Variants in CAB39 observed in about 807,000 individuals in gnomAD.
CAB39 encodes the protein calcium binding protein 39, also known as calcium-binding protein 39.
Under a neutral mutation model 40.0 loss-of-function variants are expected in CAB39, and 8 were observed. The ratio of observed to expected loss-of-function variants is 0.20; its 90% CI spans 0.12 to 0.36. CAB39 has a LOEUF of 0.36. Among genes scored for constraint, CAB39 ranks in the 10% least tolerant of loss-of-function variants. CAB39 has a pLI of 1.00. For missense variants in CAB39, 270 were observed against 401.1 expected (o/e 0.67, Z 2.79); for synonymous variants, 156 against 141.6 (o/e 1.10, Z -0.72).
intron 2 of CAB39, among the ~76,000 whole-genome samples, chr2:230,768,761 A>G (rs1005715447): frequency 1.3e-5 from 2 of 152,192 alleles, no homozygotes; most frequent in African/African-American, 2.4e-5. Flanking sequence ...CTCTGTATGT[A>G]AAAAAACAGA....
At chr2:230,766,869 C>T (rs1695394566) in intron 2 of CAB39, among the ~76,000 whole-genome samples, 1 of 152,108 alleles carries the variant, frequency 6.6e-6, no homozygotes, top group South Asian at 2.1e-4. Context: ...GAACAGATAT[C>T]CCAATCATAT....
intron 1 of CAB39, among the ~76,000 whole-genome samples, chr2:230,759,531 G>A (rs933808349): frequency 6.6e-6 from 1 of 152,168 alleles, no homozygotes; most frequent in African/African-American, 2.4e-5. Flanking sequence ...TGAGCCTCAC[G>A]CTCAACCTTG....
chr2:230,733,431 T>G (rs1441730202), intron 1 of CAB39, among the ~76,000 whole-genome samples: 1 of 152,200 alleles, frequency 6.6e-6, no homozygotes, highest in Non-Finnish European at 1.5e-5. Context: ...ATTCCTTCCT[T>G]GAAACTAAAA....
intron 5 of CAB39, among the ~76,000 whole-genome samples, chr2:230,800,316 G>A (rs1696066763): frequency 2.0e-5 from 3 of 152,148 alleles, no homozygotes; most frequent in African/African-American, 7.2e-5. Context: ...GGCCCCCAGG[G>A]ATTTATTGAA....
chr2:230,789,931 A>G (rs1056897919), intron 2 of CAB39, among the ~76,000 whole-genome samples: 2 of 152,052 alleles, frequency 1.3e-5, no homozygotes, highest in African/African-American at 4.8e-5. Context: ...CCTGAAGTCC[A>G]CTGTTTCAAA....
chr2:230,738,858 A>C (rs937552613), intron 1 of CAB39, among the ~76,000 whole-genome samples: 1 of 152,230 alleles, frequency 6.6e-6, no homozygotes. Flanking sequence ...AAGGTTATAA[A>C]TTTTGCAAAT....
intron 4 of CAB39, among the ~76,000 whole-genome samples, chr2:230,795,404 G>T (rs1366414975): frequency 6.6e-6 from 1 of 152,066 alleles, no homozygotes; most frequent in Admixed American, 6.5e-5. Flanking sequence ...TTGTTTTGTA[G>T]AAAAATCATA....
intron 1 of CAB39, among the ~76,000 whole-genome samples, chr2:230,720,056 T>G (rs928958755): frequency 6.6e-6 from 1 of 152,216 alleles, no homozygotes. Context: ...ACTAAATGTT[T>G]TATGGTTGTA....
At chr2:230,793,399 A>G in intron 4 of CAB39, 68 bp downstream of exon 4, 3 of 718,404 alleles carry the variant, frequency 4.2e-6, no homozygotes, top group South Asian at 5.2e-5. Context: ...TGGGAAAAAA[A>G]ACAGGATGCT....
intron 1 of CAB39, among the ~76,000 whole-genome samples, chr2:230,751,658 T>C (rs1011228764): frequency 1.3e-5 from 2 of 152,222 alleles, no homozygotes; most frequent in African/African-American, 4.8e-5. Flanking sequence ...TGCTTTGTAC[T>C]CTTGAAAATA....
chr2:230,773,067 AC>A (rs898168722), intron 2 of CAB39, among the ~76,000 whole-genome samples: 2 of 151,786 alleles, frequency 1.3e-5, no homozygotes, highest in African/African-American at 4.8e-5. Context: ...AAGAAGCCAG[AC>A]TATAAAGAGC....
chr2:230,809,228 C>G (rs1696260586), intron 5 of CAB39, among the ~76,000 whole-genome samples: 1 of 152,208 alleles, frequency 6.6e-6, no homozygotes, highest in African/African-American at 2.4e-5. Flanking sequence ...TGGCACTTCC[C>G]TCGTTTGCTT....
intron 5 of CAB39, among the ~76,000 whole-genome samples, chr2:230,808,232 A>T (rs1259407969): frequency 6.6e-6 from 1 of 151,988 alleles, no homozygotes; most frequent in Non-Finnish European, 1.5e-5. Context: ...GATTACAGGC[A>T]TGCATCACCA....
At chr2:230,722,457 C>G (rs1694471810) in intron 1 of CAB39, among the ~76,000 whole-genome samples, 1 of 152,142 alleles carries the variant, frequency 6.6e-6, no homozygotes, top group Admixed American at 6.6e-5. Flanking sequence ...TTGCCCAGCT[C>G]CAAACTGTTT....
At chr2:230,726,776 G>A (rs752177939) in intron 1 of CAB39, among the ~76,000 whole-genome samples, 14 of 151,876 alleles carry the variant, frequency 9.2e-5, no homozygotes, top group Non-Finnish European at 2.1e-4. Flanking sequence ...ATAGTGATTG[G>A]AAACTGAGTT....
chr2:230,748,858 AT>A (rs1407159278), intron 1 of CAB39, among the ~76,000 whole-genome samples: 6 of 129,108 alleles, frequency 4.6e-5, no homozygotes, highest in African/African-American at 1.6e-4. Flanking sequence ...ATATATATAT[AT>A]ATATATATAA....
intron 1 of CAB39, among the ~76,000 whole-genome samples, chr2:230,714,340 C>G (rs1694311333): frequency 6.6e-6 from 1 of 152,148 alleles, no homozygotes; most frequent in Non-Finnish European, 1.5e-5. Flanking sequence ...CATTCTGTGC[C>G]TTGAATGTAA....
chr2:230,717,986 CT>C (rs1194939065), intron 1 of CAB39, among the ~76,000 whole-genome samples: 1 of 152,118 alleles, frequency 6.6e-6, no homozygotes, highest in South Asian at 2.1e-4. Flanking sequence ...TTTGTATGAT[CT>C]TTAATAGCTT....
intron 2 of CAB39, among the ~76,000 whole-genome samples, chr2:230,773,479 C>T (rs1013176967): frequency 2.0e-5 from 3 of 151,984 alleles, no homozygotes; most frequent in African/African-American, 7.3e-5. Context: ...CCAGAAAGGC[C>T]ATTGGAAGGC....
Sources: gnomAD v4.1 joint callset for allele counts (sites outside exome capture counted in the v4.1 genomes callset) on GRCh38, gnomAD v4.1.1 for gene constraint, MANE v1.5 for transcripts, NCBI Gene and HGNC (gene_info 2026-07-23, HGNC 2026-07-21) for gene names.